Variants in LARGE1 observed in about 807,000 individuals in gnomAD.
LARGE1 encodes the protein xylosyl- and glucuronyltransferase LARGE1.
LARGE1 carries 43 observed loss-of-function variants against 87.6 expected under a neutral mutation model. The ratio of observed to expected loss-of-function variants is 0.49; its 90% CI spans 0.38 to 0.63. LARGE1 has a LOEUF of 0.63. LARGE1 is among the 30% of genes least tolerant of loss of function. The pLI is 0.00. For synonymous variants in LARGE1, 434 were observed against 394.6 expected (o/e 1.10, Z -1.18); for missense variants, 802 against 1,000.2 (o/e 0.80, Z 2.67).
intron 1 of LARGE1, among the ~76,000 whole-genome samples, chr22:33,844,067 G>A (rs1294261583): frequency 8.1e-6 from 1 of 123,738 alleles, no homozygotes; most frequent in East Asian, 2.7e-4. Context: ...TGACAAAAGT[G>A]AAACTCCGTC....
Position 33,530,261 on chromosome 22 carries a change from G to A in LARGE1, c.787+34587C>T, listed in dbSNP as rs145145169. On this transcript the variant is annotated intron_variant, in intron 6 of 14. Transcript: ENST00000397394. Reference sequence around the variant, plus strand: ...TGAAGATAAAAATCCAATGTGCTAAGAATGGAAAAAGGATGGAAAGAATCA... The same window carrying A: ...TGAAGATAAAAATCCAATGTGCTAAAAATGGAAAAAGGATGGAAAGAATCA... 1.2e-3 allele frequency among the ~76,000 whole-genome samples: 181 copies of A among 152,268 alleles called. 3 individuals are homozygous for A. The East Asian group carries it at 0.031, about 26-fold the overall frequency.
the LARGE1 span, among the ~76,000 whole-genome samples, chr22:33,106,789 C>A: frequency 6.6e-6 from 1 of 152,178 alleles, no homozygotes; most frequent in Non-Finnish European, 1.5e-5. Flanking sequence ...AGCCACTGCG[C>A]CCAGCCACAC....
At chr22:33,872,643 G>A (rs1395398877) in intron 1 of LARGE1, among the ~76,000 whole-genome samples, 1 of 151,724 alleles carries the variant, frequency 6.6e-6, no homozygotes, top group Non-Finnish European at 1.5e-5. Flanking sequence ...GGCTCCCTGG[G>A]AGCTGGTCTT....
chr22:33,471,333 C>T (rs1274025407), intron 6 of LARGE1, among the ~76,000 whole-genome samples: 1 of 152,008 alleles, frequency 6.6e-6, no homozygotes, highest in Non-Finnish European at 1.5e-5. Flanking sequence ...CATGAGCCAC[C>T]ACACTCAGCC....
chr22:33,727,040 G>A (rs1044531691), intron 2 of LARGE1, among the ~76,000 whole-genome samples: 1 of 152,200 alleles, frequency 6.6e-6, no homozygotes, highest in Non-Finnish European at 1.5e-5. Flanking sequence ...GTCTGTCATG[G>A]CTAGCACGGA....
At position 33,528,511 on chromosome 22, in the gene LARGE1, T is replaced by A. The variant is rs1602268115; in HGVS notation, c.787+36337A>T. The stretch of plus-strand genomic sequence containing the variant: ...TGGCAGAGTTAGCATTATCCAAGGG[T>A]GGAGGTTTTGATCCTCTGATGTCAA... On this transcript the variant is annotated intron_variant, in intron 6 of 14. Transcript: ENST00000397394. Among the ~76,000 whole-genome samples, 3 of 152,096 alleles carry A rather than the reference T, an allele frequency of 2.0e-5. No homozygotes were observed. The South Asian group carries it at 6.2e-4, about 32-fold the overall frequency.
Position 33,322,175 on chromosome 22 carries a change from A to C in LARGE1, c.1288-5927T>G, listed in dbSNP as rs548131343. Reference sequence around the variant, plus strand: ...ATACCCTTGAGTTGGGGAAAAAGACATTCCCAGGTAAATGGCTCCAGGAAC... The same window carrying C: ...ATACCCTTGAGTTGGGGAAAAAGACCTTCCCAGGTAAATGGCTCCAGGAAC... On this transcript the variant is annotated intron_variant, in intron 10 of 14. Transcript: ENST00000397394. Among the ~76,000 whole-genome samples, 26 of 152,268 alleles carry C rather than the reference A, an allele frequency of 1.7e-4. No individual in the cohort carries two copies. The South Asian group carries it at 5.4e-3, about 32-fold the overall frequency.
intron 12 of LARGE1, among the ~76,000 whole-genome samples, chr22:33,299,122 G>A (rs1159859573): frequency 1.3e-5 from 2 of 152,088 alleles, no homozygotes; most frequent in Non-Finnish European, 2.9e-5. Context: ...TAAAGTGGGA[G>A]CATCGCTTGA....
intron 11 of LARGE1, among the ~76,000 whole-genome samples, chr22:33,236,199 A>T (rs77306040): frequency 0.021 from 3,253 of 152,240 alleles, 116 homozygotes; most frequent in African/African-American, 0.072. Context: ...TGAGAGCACA[A>T]ATTTCCATTG....
Position 33,386,720 on chromosome 22 carries a change from G to C in LARGE1, c.893-2416C>G, listed in dbSNP as rs1048188367. On this transcript the variant is annotated intron_variant, in intron 7 of 14. Coordinates refer to ENST00000397394, the MANE Select transcript of LARGE1 (RefSeq NM_133642.5). ...TAAACAATGTTGGGGGGGGTAGAAA[G>C]AAAAGAAACATTTACAAAGTTACAA... Among the ~76,000 whole-genome samples, 21 of 148,718 alleles carry C rather than the reference G, an allele frequency of 1.4e-4. 2 individuals carry two copies. Among genetic ancestry groups the C allele is most frequent in the Non-Finnish European group, 2.4e-4 (16 of 66,562 alleles).
chr22:33,597,991 C>T (rs1050868623), intron 5 of LARGE1, among the ~76,000 whole-genome samples: 1 of 152,278 alleles, frequency 6.6e-6, no homozygotes. Flanking sequence ...TCATCCCCTA[C>T]AGGAAGTACC....
intron 4 of LARGE1, among the ~76,000 whole-genome samples, chr22:33,608,903 G>T (rs544625846): frequency 6.6e-6 from 1 of 152,238 alleles, no homozygotes; most frequent in African/African-American, 2.4e-5. Flanking sequence ...TAATTGTGAG[G>T]ATAAAATAAC....
intron 11 of LARGE1, among the ~76,000 whole-genome samples, chr22:33,304,776 C>T (rs1001602292): frequency 4.3e-4 from 66 of 152,198 alleles, no homozygotes; most frequent in Middle Eastern, 6.8e-3. Context: ...GTTTCAAAGC[C>T]AGGTGGTGAG....
In LARGE1 at chr22:33,901,504, A is replaced by G. The variant is rs5994807; in HGVS notation, c.-83+18491T>C. Among the ~76,000 whole-genome samples the G allele has an allele frequency of 9.1e-3, 1,380 of 152,278 alleles. 36 individuals carry two copies. The highest frequency in any genetic ancestry group is 0.032 in the African/African-American group (1,315 of 41,548). ...TCTCAGACACTGTGAAATGTCTTCC[A>G]TAAAGACAATCCCCTAATTAGTTGG... is the stretch of plus-strand genomic sequence containing the variant. On this transcript the variant is annotated intron_variant, in intron 1 of 14. Transcript: ENST00000397394.
In LARGE1 at chr22:33,200,725, G is replaced by T. The variant is rs532989302; in HGVS notation, c.1731-33893C>A. ...AGGCACAAAATGCCACAGATGTTGTGATTCAACTTATATAAAATGTACAGA... is the reference window on the plus strand; with the variant it reads ...AGGCACAAAATGCCACAGATGTTGTTATTCAACTTATATAAAATGTACAGA... On this transcript the variant is annotated intron_variant, in intron 11 of 11. Transcript: ENST00000608642. 2.6e-5 allele frequency among the ~76,000 whole-genome samples: 4 copies of T among 152,284 alleles called. No homozygotes were observed. The East Asian group carries it at 7.7e-4, about 29-fold the overall frequency.
At chr22:33,664,634 G>A (rs1302080228) in intron 2 of LARGE1, among the ~76,000 whole-genome samples, 1 of 152,134 alleles carries the variant, frequency 6.6e-6, no homozygotes, top group African/African-American at 2.4e-5. Context: ...TGGGAGGCCA[G>A]TGTGGGCGGA....
chr22:33,859,375 C>T (rs888604545), intron 1 of LARGE1, among the ~76,000 whole-genome samples: 4 of 152,128 alleles, frequency 2.6e-5, no homozygotes, highest in Non-Finnish European at 5.9e-5. Flanking sequence ...AGGAAAACAA[C>T]GGGCACCCAA....
rs758620411 is a variant in LARGE1, at chr22:33,432,267, T to C, written c.788-2A>G. On this transcript the variant is annotated splice_acceptor_variant, in intron 6 of 14. Transcript: ENST00000397394. LOFTEE classifies it high-confidence loss of function. ...CCACCAAGCCCAGGACTTGCTGACCTGTGAGGTACAGAGAATACAAACATC... is the reference window on the plus strand; with the variant it reads ...CCACCAAGCCCAGGACTTGCTGACCCGTGAGGTACAGAGAATACAAACATC... 6.2e-7 allele frequency: 1 copy of C among 1,611,162 alleles called. No individual in the cohort carries two copies. Among genetic ancestry groups the C allele is most frequent in the East Asian group, 2.2e-5 (1 of 44,858 alleles).
At position 33,748,021 on chromosome 22, in the gene LARGE1, G is replaced by A. The variant is rs112878634; in HGVS notation, c.106+13350C>T. The stretch of plus-strand genomic sequence containing the variant: ...ATGGGGCACTGTGTGCCCTCTGCTG[G>A]AGCAAAAAAAAAAAAAAAAAAAAAA... On this transcript the variant is annotated intron_variant, in intron 2 of 14. Coordinates refer to ENST00000397394, the MANE Select transcript of LARGE1 (RefSeq NM_133642.5). 6.8e-3 allele frequency among the ~76,000 whole-genome samples: 464 copies of A among 67,810 alleles called. 1 individual carries two copies. The highest frequency in any genetic ancestry group is 0.016 in the Admixed American group (86 of 5,306). The allele number at this position is 67,810 out of a possible 152,430, so 44.5% of individuals were successfully genotyped here. A position where few individuals can be genotyped will look rare whatever the true frequency, so the allele number is the denominator to read the frequency against.
Sources: allele counts gnomAD v4.1 joint callset (sites outside exome capture counted in the v4.1 genomes callset), GRCh38; gene constraint gnomAD v4.1.1; transcripts MANE v1.5; gene names NCBI Gene and HGNC (gene_info 2026-07-23, HGNC 2026-07-21).